Variants in ICA1L observed in about 807,000 individuals in gnomAD.
ICA1L encodes the protein islet cell autoantigen 1-like protein.
ICA1L carries 50 observed loss-of-function variants against 61.3 expected under a neutral mutation model. The ratio of observed to expected loss-of-function variants is 0.82; its 90% CI spans 0.65 to 1.03. The LOEUF (loss-of-function observed/expected upper bound fraction) is 1.03. ICA1L is among the 50% of genes least tolerant of loss of function. The pLI is 0.00. For missense variants in ICA1L, 508 were observed against 556.7 expected (o/e 0.91, Z 0.88); for synonymous variants, 161 against 191.3 (o/e 0.84, Z 1.31).
Position 202,819,782 on chromosome 2 carries a change from G to T in ICA1L, c.477C>A (p.Tyr159Ter), listed in dbSNP as rs756577523. 4.3e-6 allele frequency: 7 copies of T among 1,614,006 alleles called. No homozygotes were observed. Among genetic ancestry groups the T allele is most frequent in the Middle Eastern group, 1.6e-4 (1 of 6,062 alleles). The change falls in exon 5 of 13, where the codon TAC becomes TAA. Residue 159 changes from tyrosine to a stop codon, truncating the protein, a stop_gained. Coordinates refer to ENST00000358299, the MANE Select transcript of ICA1L (RefSeq NM_001288622.3). LOFTEE classifies it high-confidence loss of function. ...INRMEQARTEYRGALLWMKDV... is the reference protein window; with the variant it reads ...INRMEQARTE ...CTTTCATCCACAGTAGAGCTCCTCT[G>T]TATTCTGTGCGTGCCTGCTCCATCC... is the stretch of plus-strand genomic sequence containing the variant.
At position 202,864,170 on chromosome 2, in the gene ICA1L, C is replaced by T. The variant is rs1229741095; in HGVS notation, c.-8+7449G>A. ...AGAGTAGAAGAGGAAAGAATAGTTCCCAATTCATTTTATGAGCCAGCATAA... is the reference window on the plus strand; with the variant it reads ...AGAGTAGAAGAGGAAAGAATAGTTCTCAATTCATTTTATGAGCCAGCATAA... On this transcript the variant is annotated intron_variant, in intron 1 of 12. Coordinates refer to ENST00000358299, the MANE Select transcript of ICA1L (RefSeq NM_001288622.3). 2.6e-5 allele frequency among the ~76,000 whole-genome samples: 4 copies of T among 152,266 alleles called. No homozygotes were observed. In the East Asian group the frequency reaches 7.7e-4, roughly 29 times the overall value.
intron 12 of ICA1L, among the ~76,000 whole-genome samples, chr2:202,780,110 A>G (rs999613543): frequency 1.3e-5 from 2 of 152,240 alleles, no homozygotes; most frequent in African/African-American, 4.8e-5. Context: ...AGACTCTCAG[A>G]TAAGGTTTAA....
chr2:202,835,909 T>C (rs1036730512), intron 1 of ICA1L, among the ~76,000 whole-genome samples: 1 of 152,184 alleles, frequency 6.6e-6, no homozygotes, highest in African/African-American at 2.4e-5. Flanking sequence ...TTACTTGTAA[T>C]AGTTTTTTGG....
In ICA1L at chr2:202,864,523, C is replaced by T. The variant is rs548189539; in HGVS notation, c.-8+7096G>A. ...GCTGGGATTACAGGCGCCTACAGAC[C>T]AATATTTTTATTAAATATGAATGCA... On this transcript the variant is annotated intron_variant, in intron 1 of 12. Transcript: ENST00000358299. Among the ~76,000 whole-genome samples, 7 of 151,984 alleles carry T rather than the reference C, an allele frequency of 4.6e-5. No homozygotes were observed. In the East Asian group the frequency reaches 1.4e-3, roughly 29 times the overall value.
chr2:202,866,105 G>A (rs1687503846), intron 1 of ICA1L, among the ~76,000 whole-genome samples: 1 of 152,194 alleles, frequency 6.6e-6, no homozygotes, highest in Non-Finnish European at 1.5e-5. Flanking sequence ...AATGATTTCT[G>A]ACAAGGGCAC....
At chr2:202,865,053 C>G (rs1391389042) in intron 1 of ICA1L, among the ~76,000 whole-genome samples, 1 of 151,960 alleles carries the variant, frequency 6.6e-6, no homozygotes, top group Non-Finnish European at 1.5e-5. Context: ...ATCCCAGCTA[C>G]TCAGGAGGCT....
intron 1 of ICA1L, among the ~76,000 whole-genome samples, chr2:202,854,992 A>T (rs1463657442): frequency 6.6e-6 from 1 of 152,010 alleles, no homozygotes; most frequent in African/African-American, 2.4e-5. Context: ...AAAAAAAGAA[A>T]CTCACTCAAA....
At chr2:202,871,353 G>T (rs889122176) in intron 1 of ICA1L, 2 of 152,146 alleles carry the variant, frequency 1.3e-5, no homozygotes, top group Non-Finnish European at 2.9e-5. Flanking sequence ...GCCAGAAACC[G>T]CTCCTTGCGG....
intron 9 of ICA1L, among the ~76,000 whole-genome samples, chr2:202,797,562 C>T (rs1559130824): frequency 6.6e-6 from 1 of 152,218 alleles, no homozygotes; most frequent in Non-Finnish European, 1.5e-5. Context: ...TGCTCTGTCG[C>T]CCAGGCTGGA....
chr2:202,870,946 C>G (rs1285639549), intron 1 of ICA1L: 2 of 152,252 alleles, frequency 1.3e-5, no homozygotes, highest in African/African-American at 4.8e-5. Context: ...ACCTGACCAG[C>G]TGACGCGCGT....
intron 1 of ICA1L, among the ~76,000 whole-genome samples, chr2:202,866,328 T>G (rs1184048048): frequency 6.6e-6 from 1 of 152,178 alleles, no homozygotes; most frequent in Non-Finnish European, 1.5e-5. Flanking sequence ...CTGCTCCCAC[T>G]TCACCTTCCT....
rs1692242719 is a variant in ICA1L, at chr2:202,776,981, A to C, written c.*2552T>G. 6.6e-6 allele frequency: 1 copy of C among 151,588 alleles called. No individual in the cohort carries two copies. Among genetic ancestry groups the C allele is most frequent in the South Asian group, 2.1e-4 (1 of 4,816 alleles). The allele number at this position is 151,588 out of a possible 1,614,324, so 9.4% of individuals were successfully genotyped here. ...TGAGGGAGATAAATATCTCAGAACTAATGCATTAGCAAGGTGACCACTACA... is the reference window on the plus strand; with the variant it reads ...TGAGGGAGATAAATATCTCAGAACTCATGCATTAGCAAGGTGACCACTACA... On this transcript the variant is annotated 3_prime_UTR_variant, in exon 13 of 13. Transcript: ENST00000358299.
chr2:202,811,716 C>T (rs1368384999), intron 9 of ICA1L, 30 bp downstream of exon 9: 1 of 1,427,416 alleles, frequency 7.0e-7, no homozygotes, highest in Non-Finnish European at 9.8e-7. Context: ...AAAATGTGAC[C>T]ATTTCAAAGT....
chr2:202,790,203 T>C (rs1692704599), intron 10 of ICA1L, among the ~76,000 whole-genome samples: 1 of 152,162 alleles, frequency 6.6e-6, no homozygotes, highest in Non-Finnish European at 1.5e-5. Flanking sequence ...AATAGAATAC[T>C]TAAATGGCAT....
intron 1 of ICA1L, among the ~76,000 whole-genome samples, chr2:202,853,559 G>A (rs972629039): frequency 3.3e-5 from 5 of 151,966 alleles, no homozygotes; most frequent in African/African-American, 2.4e-5. Context: ...ACTACCATCA[G>A]AGTGAACAGG....
At chr2:202,793,551 G>GCATGTAATCCCAGCTACT (rs1196690333) in intron 10 of ICA1L, among the ~76,000 whole-genome samples, 1 of 143,498 alleles carries the variant, frequency 7.0e-6, no homozygotes. Context: ...GGTGGCAGGT[G>GCATGTAATCCCAGCTACT]CATGTAATCC....
At chr2:202,822,763 CT>C (rs1445587853) in intron 3 of ICA1L, among the ~76,000 whole-genome samples, 1 of 152,200 alleles carries the variant, frequency 6.6e-6, no homozygotes, top group Non-Finnish European at 1.5e-5. Flanking sequence ...AGCAACAGAA[CT>C]CAGGCCTCCT....
chr2:202,827,230 C>T (rs940891847), intron 2 of ICA1L, among the ~76,000 whole-genome samples: 1 of 152,100 alleles, frequency 6.6e-6, no homozygotes, highest in African/African-American at 2.4e-5. Flanking sequence ...CCTGTCTCTA[C>T]TAAAAATACA....
Position 202,796,894 on chromosome 2 carries a change from T to A in ICA1L, c.981A>T (p.Glu327Asp). 1 of 1,562,204 alleles carries A rather than the reference T, an allele frequency of 6.4e-7. No homozygotes were observed. Among genetic ancestry groups the A allele is most frequent in the Non-Finnish European group, 8.7e-7 (1 of 1,144,430 alleles). ...GTAGAGTGAAATGATTCTTACCATT[T>A]TCAGAGTTAGAAAACTGAGGTGCTC... is the stretch of plus-strand genomic sequence containing the variant. ...EFGAPQFSNSENVAKDLPVDS... is the reference protein window; with the variant it reads ...EFGAPQFSNSDNVAKDLPVDS... Residue 327 changes from glutamate (E) to aspartate (D), a missense_variant, in exon 10 of 13, where the codon GAA becomes GAT. Transcript: ENST00000358299.
Sources: gnomAD v4.1 joint callset for allele counts (sites outside exome capture counted in the v4.1 genomes callset) on GRCh38, gnomAD v4.1.1 for gene constraint, MANE v1.5 for transcripts, NCBI Gene and HGNC (gene_info 2026-07-23, HGNC 2026-07-21) for gene names.